The following ADCY8 variants were observed in gnomAD, a reference collection of about 807,000 sequenced individuals.
ADCY8 encodes adenylate cyclase type 8.
Under a neutral mutation model 119.7 loss-of-function variants are expected in ADCY8, and 51 were observed. The ratio of observed to expected loss-of-function variants is 0.43; its 90% CI spans 0.34 to 0.54. The LOEUF is 0.54. Ranked by LOEUF, ADCY8 falls within the 20% of genes least tolerant of loss-of-function variation. The pLI, the probability that ADCY8 is intolerant of heterozygous loss-of-function variation, is 0.03. For missense variants in ADCY8, 1,383 were observed against 1,598.8 expected, an observed-to-expected ratio of 0.87 and a Z score of 2.30; for synonymous variants, 665 against 651.0, an observed-to-expected ratio of 1.02 and a Z score of -0.33.
chr8:130,996,907 C>T (rs1341922930), intron 1 of ADCY8, among the ~76,000 whole-genome samples: 1 of 152,126 alleles, frequency 6.6e-6, no homozygotes, highest in Non-Finnish European at 1.5e-5. Flanking sequence ...TGACTCATTT[C>T]TTTTGACCCA....
chr8:130,977,048 C>A (rs1390993863), intron 2 of ADCY8, among the ~76,000 whole-genome samples: 1 of 152,180 alleles, frequency 6.6e-6, no homozygotes, highest in Non-Finnish European at 1.5e-5. Context: ...GAAAACATGA[C>A]CATCCAGGCC....
intron 8 of ADCY8, among the ~76,000 whole-genome samples, chr8:130,869,560 C>A (rs13279731): frequency 6.8e-5 from 10 of 147,388 alleles, no homozygotes; most frequent in Non-Finnish European, 4.5e-5. Flanking sequence ...CTCTGTCGCC[C>A]AGGCTGGAGT....
intron 3 of ADCY8, among the ~76,000 whole-genome samples, chr8:130,950,699 G>A (rs977646624): frequency 1.1e-4 from 16 of 151,954 alleles, no homozygotes; most frequent in Non-Finnish European, 2.2e-4. Flanking sequence ...CTTTCAATAC[G>A]TTTATTATTA....
At position 130,781,019 on chromosome 8, in the gene ADCY8, T is replaced by G. The variant is rs1024634383; in HGVS notation, c.3269-142A>C. 4 of 1,081,258 alleles carry G rather than the reference T, an allele frequency of 3.7e-6. No homozygotes were observed. The African/African-American group carries it at 6.3e-5, about 17-fold the overall frequency. The allele number at this position is 1,081,258 out of a possible 1,614,324, so 67.0% of individuals were successfully genotyped here. ...GGTCCAGATCCTGCCCCCAGTCACT[T>G]ATTAGATGTATCACCTGGGTCAGTT... On this transcript the variant is annotated intron_variant, in intron 17 of 17. Coordinates refer to ENST00000286355, the MANE Select transcript of ADCY8 (RefSeq NM_001115.3).
rs574171725 is a variant in ADCY8 at position 130,881,776 on chromosome 8, G to T, written c.2109+2788C>A. ...AAAATCTTGAGTTCTTTCCAGGGAG[G>T]TTTGCAATTGCTTCTGTGGTCACCA... On this transcript the variant is annotated intron_variant, in intron 8 of 17. Coordinates refer to ENST00000286355, the MANE Select transcript of ADCY8 (RefSeq NM_001115.3). Among the ~76,000 whole-genome samples the T allele has an allele frequency of 8.6e-5, 13 of 151,864 alleles. No homozygotes were observed. The South Asian group carries it at 1.2e-3, about 15-fold the overall frequency.
In ADCY8 at chr8:130,800,432, G is replaced by C; in HGVS notation, c.3054C>G (p.Phe1018Leu). 1 of 1,614,008 alleles carries C rather than the reference G, an allele frequency of 6.2e-7. No homozygotes were observed. The highest frequency in any genetic ancestry group is 8.5e-7 in the Non-Finnish European group (1 of 1,180,000). The change falls in exon 15 of 18, where the codon TTC becomes TTG. Residue 1018 changes from phenylalanine to leucine, a missense_variant. Phe to Leu is a conservative substitution (Grantham distance 22, BLOSUM62 0). This residue lies in a region of ADCY8 where 928 missense variants were observed against 1,163.5 expected (regional missense o/e 0.80). Transcript: ENST00000286355. ...LRLLNEIIAD[F>L]DELLGEDRFQ... ...GTCTCAGGCTTAGATTTACCTCATC[G>C]AAGTCAGCAATGATCTCATTGAGCA...
intron 2 of ADCY8, among the ~76,000 whole-genome samples, chr8:130,986,440 C>G (rs1049724197): frequency 7.9e-5 from 12 of 152,204 alleles, no homozygotes; most frequent in Non-Finnish European, 1.8e-4. Context: ...TGTAGAGTAG[C>G]TGCCTTTAAC....
chr8:130,918,339 G>T (rs974838325), intron 5 of ADCY8, among the ~76,000 whole-genome samples: 6 of 152,176 alleles, frequency 3.9e-5, no homozygotes, highest in Non-Finnish European at 7.4e-5. Flanking sequence ...AAGCTCTCTG[G>T]GGTCTCTTCT....
intron 1 of ADCY8, among the ~76,000 whole-genome samples, chr8:131,036,068 G>A (rs991790137): frequency 3.3e-5 from 5 of 152,102 alleles, no homozygotes; most frequent in Admixed American, 1.3e-4. Flanking sequence ...TGTTTAGAAG[G>A]ATAATCACTA....
intron 11 of ADCY8, 74 bp from the exon 12 acceptor site, chr8:130,836,523 G>T (rs1816993261): frequency 6.8e-7 from 1 of 1,471,952 alleles, no homozygotes; most frequent in South Asian, 1.3e-5. Context: ...GATGCTAGTA[G>T]GTCTTACACA....
chr8:130,976,881 A>G (rs1201210061), intron 2 of ADCY8, among the ~76,000 whole-genome samples: 1 of 152,190 alleles, frequency 6.6e-6, no homozygotes, highest in Non-Finnish European at 1.5e-5. Flanking sequence ...CTTTACATGG[A>G]GCTCATTTTA....
rs994730797 is a variant in ADCY8 at position 130,809,025 on chromosome 8, G to A, written c.2913+5044C>T. 2.0e-5 allele frequency among the ~76,000 whole-genome samples: 3 copies of A among 152,204 alleles called. No individual in the cohort carries two copies. The South Asian group carries it at 6.2e-4, about 31-fold the overall frequency. On this transcript the variant is annotated intron_variant, in intron 14 of 17. Coordinates refer to ENST00000286355, the MANE Select transcript of ADCY8 (RefSeq NM_001115.3). ...GCAAGAATGTTCCTGACCAGAGGAA[G>A]TGAGTGCTATTCTAAGCCAAAAGCA...
intron 2 of ADCY8, among the ~76,000 whole-genome samples, chr8:130,964,946 A>G (rs1821718398): frequency 6.6e-6 from 1 of 152,038 alleles, no homozygotes; most frequent in African/African-American, 2.4e-5. Flanking sequence ...ATTTTTTCAT[A>G]GGTTTGTTGG....
intron 4 of ADCY8, among the ~76,000 whole-genome samples, chr8:130,938,106 C>A (rs1253689558): frequency 6.6e-6 from 1 of 152,200 alleles, no homozygotes; most frequent in Non-Finnish European, 1.5e-5. Context: ...GCCAAGGGCA[C>A]TGGTTTACGA....
intron 17 of ADCY8, among the ~76,000 whole-genome samples, chr8:130,782,732 A>G (rs1222635298): frequency 6.6e-6 from 1 of 152,218 alleles, no homozygotes; most frequent in Admixed American, 6.5e-5. Context: ...AAAAACATAA[A>G]ATATAAGCCC....
rs1238561833 is a variant in ADCY8, at chr8:131,040,064, G to A, written c.270C>T (p.Pro90=). Residue 90 remains proline (P), a synonymous_variant, in exon 1 of 18, where the codon CCC becomes CCT. Transcript: ENST00000286355. The stretch of plus-strand genomic sequence containing the variant: ...GCTCTCCCGGGCCCAGCGAGTAGAG[G>A]GGCAGCGCCGAGTCGCCTGACAGCT... ...APQLSGDSAL[P]LYSLGPGERA... is the part of the protein sequence containing the mutation. 1 of 1,542,020 alleles carries A rather than the reference G, an allele frequency of 6.5e-7. No homozygotes were observed. Among genetic ancestry groups the A allele is most frequent in the South Asian group, 1.2e-5 (1 of 83,900 alleles).
intron 13 of ADCY8, among the ~76,000 whole-genome samples, chr8:130,817,945 A>T (rs1816395771): frequency 6.6e-6 from 1 of 152,244 alleles, no homozygotes; most frequent in African/African-American, 2.4e-5. Flanking sequence ...AGCTGCTAAC[A>T]TCACAAAAAG....
At chr8:130,817,051 C>A (rs1377853802) in intron 13 of ADCY8, among the ~76,000 whole-genome samples, 4 of 152,070 alleles carry the variant, frequency 2.6e-5, no homozygotes, top group South Asian at 4.1e-4. Context: ...GAGGGAAATA[C>A]CCTAAGGATA....
intron 9 of ADCY8, among the ~76,000 whole-genome samples, chr8:130,850,731 A>G (rs773752633): frequency 1.3e-5 from 2 of 152,156 alleles, no homozygotes; most frequent in Non-Finnish European, 2.9e-5. Context: ...TCCATTGGCC[A>G]GTGCTAAATA....
Sources: allele counts gnomAD v4.1 joint callset (sites outside exome capture counted in the v4.1 genomes callset), GRCh38; gene constraint gnomAD v4.1.1; regional missense constraint gnomAD v4.1.1; transcripts MANE v1.5; gene names NCBI Gene and HGNC (gene_info 2026-07-23, HGNC 2026-07-21).